Variants in NNT observed in about 807,000 individuals in gnomAD.
NNT encodes the protein nicotinamide nucleotide transhydrogenase.
In NNT, 50 loss-of-function variants were observed where a neutral mutation model predicts 104.8. The ratio of observed to expected loss-of-function variants is 0.48; its 90% CI spans 0.38 to 0.60. The LOEUF (loss-of-function observed/expected upper bound fraction) is 0.60. Ranked by LOEUF, NNT falls within the 20% of genes least tolerant of loss-of-function variation. NNT has a pLI of 0.00. For synonymous variants in NNT, 461 were observed against 490.4 expected (o/e 0.94, Z 0.79); for missense variants, 1,131 against 1,330.7 (o/e 0.85, Z 2.33).
chr5:43,668,442 G>A (rs1170887872), intron 17 of NNT, among the ~76,000 whole-genome samples: 1 of 152,074 alleles, frequency 6.6e-6, no homozygotes, highest in Non-Finnish European at 1.5e-5. Context: ...AATCCATCTT[G>A]AGTTAATTTT....
At chr5:43,659,614 AG>A (rs1740247696) in intron 17 of NNT, among the ~76,000 whole-genome samples, 1 of 152,234 alleles carries the variant, frequency 6.6e-6, no homozygotes, top group African/African-American at 2.4e-5. Context: ...CTGTAATCCC[AG>A]CTACTTGGTA....
intron 1 of NNT, among the ~76,000 whole-genome samples, chr5:43,605,239 G>A (rs1402214971): frequency 1.3e-5 from 2 of 152,016 alleles, no homozygotes; most frequent in Non-Finnish European, 2.9e-5. Flanking sequence ...CTTTTGGGCC[G>A]GGCGCGGTGG....
intron 17 of NNT, among the ~76,000 whole-genome samples, chr5:43,665,922 G>A (rs1399598853): frequency 1.3e-5 from 2 of 151,762 alleles, no homozygotes; most frequent in African/African-American, 2.4e-5. Flanking sequence ...ACGGGGTGGC[G>A]GCGGGGCAAA....
chr5:43,706,545 C>T lies in NNT; in HGVS notation c.*2141C>T, dbSNP rs1743098573. 1 of 150,968 alleles carries T rather than the reference C, an allele frequency of 6.6e-6. No individual in the cohort carries two copies. The highest frequency in any genetic ancestry group is 2.4e-5 in the African/African-American group (1 of 41,200). The allele number at this position is 150,968 out of a possible 1,614,324, so 9.4% of individuals were successfully genotyped here. On this transcript the variant is annotated 3_prime_UTR_variant, in exon 22 of 22. Coordinates refer to ENST00000344920, the MANE Select transcript of NNT (RefSeq NM_182977.3). ...GGGCTTGTTAACTATCCTTTATTTT[C>T]TCATTTGTCTTAAATTAGGAGTTTG...
intron 16 of NNT, 101 bp from the exon 17 acceptor site, chr5:43,659,070 A>G: frequency 8.4e-7 from 1 of 1,192,834 alleles, no homozygotes. Context: ...ATGTAAATAT[A>G]TTAATGGGAA....
At chr5:43,678,534 T>C (rs1409020763) in intron 19 of NNT, among the ~76,000 whole-genome samples, 20 of 152,348 alleles carry the variant, frequency 1.3e-4, no homozygotes, top group Admixed American at 1.3e-3. Flanking sequence ...CTTGTTTCTC[T>C]GTGGTTTGAT....
intron 5 of NNT, among the ~76,000 whole-genome samples, chr5:43,619,438 A>T (rs1334979292): frequency 6.6e-6 from 1 of 152,216 alleles, no homozygotes; most frequent in African/African-American, 2.4e-5. Flanking sequence ...GATACCATTC[A>T]GCAGATTCTG....
At chr5:43,631,716 C>T (rs1750686131) in intron 7 of NNT, among the ~76,000 whole-genome samples, 1 of 152,148 alleles carries the variant, frequency 6.6e-6, no homozygotes, top group South Asian at 2.1e-4. Context: ...GCCTTCCCCT[C>T]TCCCCATAAT....
chr5:43,680,118 C>A (rs13173498), intron 19 of NNT, among the ~76,000 whole-genome samples: 406 of 151,932 alleles, frequency 2.7e-3, no homozygotes, highest in African/African-American at 9.4e-3. Flanking sequence ...ATTATGACAG[C>A]AGATCATCAT....
intron 18 of NNT, 32 bp downstream of exon 18, chr5:43,675,702 T>C: frequency 6.8e-7 from 1 of 1,477,986 alleles, no homozygotes; most frequent in Non-Finnish European, 9.1e-7. Context: ...AAATAACCTA[T>C]AATAGCTGTT....
intron 20 of NNT, 24 bp from the exon 21 acceptor site, chr5:43,702,593 ATTCT>A (rs1333082888): frequency 1.4e-6 from 2 of 1,408,478 alleles, no homozygotes; most frequent in Admixed American, 2.0e-5. Flanking sequence ...TGAGTTTTAT[ATTCT>A]TTCTTTTTTG....
At chr5:43,677,902 G>T (rs1310324256) in intron 19 of NNT, 96 bp downstream of exon 19, 10 of 935,044 alleles carry the variant, frequency 1.1e-5, no homozygotes, top group Admixed American at 1.9e-5. Flanking sequence ...TAGGGGTTAG[G>T]GCACTGACCC....
At chr5:43,695,278 A>G (rs980256390) in intron 19 of NNT, among the ~76,000 whole-genome samples, 11 of 152,136 alleles carry the variant, frequency 7.2e-5, no homozygotes, top group African/African-American at 2.4e-4. Flanking sequence ...GTCAAGTCCT[A>G]TGCTCTTTAA....
chr5:43,697,965 C>T (rs1450452156), intron 19 of NNT, among the ~76,000 whole-genome samples: 1 of 152,082 alleles, frequency 6.6e-6, no homozygotes, highest in Non-Finnish European at 1.5e-5. Flanking sequence ...CAAACCATAT[C>T]ACTAGGATAG....
rs1264874787 is a variant in NNT, at chr5:43,653,204, G to T, written c.2050G>T (p.Gly684Cys). The change falls in exon 14 of 22, where the codon GGT (glycine) becomes TGT (cysteine). Residue 684 changes from glycine to cysteine, a missense_variant. Physicochemically the swap from Gly to Cys is radical, Grantham distance 159. Coordinates refer to ENST00000344920, the MANE Select transcript of NNT (RefSeq NM_182977.3). ...GATGTCTGGAGCGATGGCTTTGGGT[G>T]GTACCATTGGTAAGCACTTGTGGGC... ...AQMSGAMALG[G>C]TIGLTIAKRI... 4 of 1,612,284 alleles carry T rather than the reference G, an allele frequency of 2.5e-6. No individual in the cohort carries two copies. The South Asian group carries it at 4.4e-5, about 18-fold the overall frequency.
At chr5:43,670,497 G>A (rs978958957) in intron 17 of NNT, among the ~76,000 whole-genome samples, 6 of 152,152 alleles carry the variant, frequency 3.9e-5, no homozygotes, top group Non-Finnish European at 8.8e-5. Context: ...GTTCTCATTG[G>A]TTTCAAAGAA....
intron 21 of NNT, among the ~76,000 whole-genome samples, chr5:43,703,924 C>G (rs1283669347): frequency 2.0e-5 from 3 of 152,098 alleles, no homozygotes; most frequent in Admixed American, 1.3e-4. Context: ...TAGAAAGATG[C>G]TTATTTTACT....
intron 20 of NNT, among the ~76,000 whole-genome samples, chr5:43,701,003 T>A (rs1306338341): frequency 6.6e-6 from 1 of 152,238 alleles, no homozygotes; most frequent in South Asian, 2.1e-4. Context: ...GATTCCACTG[T>A]TGTTAAATTA....
intron 17 of NNT, 55 bp from the exon 18 acceptor site, chr5:43,675,456 A>ATT (rs1741360838): frequency 6.7e-7 from 1 of 1,498,444 alleles, no homozygotes; most frequent in South Asian, 1.3e-5. Flanking sequence ...CATTTGTACT[A>ATT]TTCTCACAAA....
Sources: allele counts gnomAD v4.1 joint callset (sites outside exome capture counted in the v4.1 genomes callset), GRCh38; gene constraint gnomAD v4.1.1; transcripts MANE v1.5; gene names NCBI Gene and HGNC (gene_info 2026-07-23, HGNC 2026-07-21).